Variants in IFT74 observed in about 807,000 individuals in gnomAD.
IFT74 encodes the protein intraflagellar transport 74.
Under a neutral mutation model 96.7 loss-of-function variants are expected in IFT74, and 92 were observed. The ratio of observed to expected loss-of-function variants is 0.95; its 90% CI spans 0.80 to 1.13. The LOEUF is 1.13. IFT74 is among the 50% of genes most tolerant of loss of function. IFT74 has a pLI of 0.00. For synonymous variants in IFT74, 223 were observed against 213.2 expected, an observed-to-expected ratio of 1.05 and a Z score of -0.40; for missense variants, 811 against 698.2, an observed-to-expected ratio of 1.16 and a Z score of -1.82.
At chr9:27,028,485 C>G (rs1477867842) in intron 12 of IFT74, among the ~76,000 whole-genome samples, 1 of 152,164 alleles carries the variant, frequency 6.6e-6, no homozygotes, top group Admixed American at 6.5e-5. Context: ...ATGCTTGGCG[C>G]AGTGGCTCGC....
intron 8 of IFT74, among the ~76,000 whole-genome samples, chr9:27,005,360 C>T (rs1171175422): frequency 2.9e-5 from 1 of 34,554 alleles, no homozygotes; most frequent in Non-Finnish European, 5.7e-5. Context: ...TTTCCCCCCC[C>T]GCCCCCCGCA....
Position 26,988,247 on chromosome 9 carries a change from C to T in IFT74, c.466-422C>T, listed in dbSNP as rs73436032. Among the ~76,000 whole-genome samples, 876 of 152,214 alleles carry T rather than the reference C, an allele frequency of 5.8e-3. 10 individuals carry two copies. Among genetic ancestry groups the T allele is most frequent in the African/African-American group, 0.02 (818 of 41,550 alleles). ...GATTACAGGCCTGAGCCACCGAGCC[C>T]GGCTTACTAGTGTAAATTTGTAAAT... On this transcript the variant is annotated intron_variant, in intron 6 of 19. Transcript: ENST00000380062.
intron 1 of IFT74, among the ~76,000 whole-genome samples, chr9:26,959,464 TTAGA>T (rs1387041768): frequency 1.3e-5 from 2 of 152,028 alleles, no homozygotes; most frequent in African/African-American, 4.8e-5. Context: ...TATGGGACAG[TTAGA>T]TAGAGGTGGT....
intron 4 of IFT74, chr9:26,983,739 C>T (rs970805616): frequency 7.4e-5 from 11 of 148,994 alleles, no homozygotes; most frequent in African/African-American, 2.7e-4. Flanking sequence ...CTCAGTTTCT[C>T]ATCAGTTGAG....
At chr9:27,058,438 T>A (rs1820271320) in intron 18 of IFT74, among the ~76,000 whole-genome samples, 1 of 151,748 alleles carries the variant, frequency 6.6e-6, no homozygotes, top group African/African-American at 2.4e-5. Flanking sequence ...CAGGCTGGAG[T>A]GCAGTGGTGT....
chr9:26,953,694 A>AGGGG (rs562636268), upstream of IFT74, among the ~76,000 whole-genome samples: 4 of 149,116 alleles, frequency 2.7e-5, no homozygotes, highest in African/African-American at 9.9e-5. Context: ...CATTTTTTGT[A>AGGGG]GGGGGGGGGT....
At chr9:26,990,774 G>T (rs559712369) in intron 8 of IFT74, among the ~76,000 whole-genome samples, 18 of 152,288 alleles carry the variant, frequency 1.2e-4, no homozygotes, top group African/African-American at 4.1e-4. Context: ...TGTTTTGTCA[G>T]TTGTTTGGGA....
rs528469393 is a variant in IFT74 at position 27,063,057 on chromosome 9, T to G, written c.*321T>G. The stretch of plus-strand genomic sequence containing the variant: ...GGCAACAAATGAGATAAGCTTTTCT[T>G]GTATCAACTCTAGGACGGATGCATG... On this transcript the variant is annotated 3_prime_UTR_variant, in exon 20 of 20. Transcript: ENST00000380062. 8.6e-6 allele frequency: 2 copies of G among 231,706 alleles called. No homozygotes were observed. The highest frequency in any genetic ancestry group is 6.0e-5 in the Admixed American group (1 of 16,536). 14.4% of individuals were successfully genotyped at this position (231,706 alleles called of 1,614,324 possible). A position where few individuals can be genotyped will look rare whatever the true frequency, so the allele number is the denominator to read the frequency against.
In IFT74 at chr9:27,023,248, G is replaced by A. The variant is rs1011410502; in HGVS notation, c.974+4561G>A. 3.3e-5 allele frequency among the ~76,000 whole-genome samples: 5 copies of A among 152,064 alleles called. No homozygotes were observed. In the East Asian group the frequency reaches 5.8e-4, roughly 18 times the overall value. On this transcript the variant is annotated intron_variant, in intron 12 of 19. Transcript: ENST00000380062. ...CCTTGTCTTGTTCCAGTTCTTAGGGGGAATGCTTTCAACTTTCCCCTGTTC... is the reference window on the plus strand; with the variant it reads ...CCTTGTCTTGTTCCAGTTCTTAGGGAGAATGCTTTCAACTTTCCCCTGTTC...
At position 27,062,723 on chromosome 9, in the gene IFT74, C is replaced by T. The variant is rs3429; in HGVS notation, c.1790C>T (p.Thr597Ile). ...NKTIVDALHS[T>I]SGN ...ACCATCGTGGATGCTTTACATAGCA[C>T]CAGCGGAAACTGAGTTTAAGTCCAC... Residue 597 changes from threonine to isoleucine, a missense_variant, in exon 20 of 20, where the codon ACC becomes ATC. By Grantham distance (89) the Thr-to-Ile change is moderately conservative. Transcript: ENST00000380062. The T allele has an allele frequency of 0.12, 188,015 of 1,571,014 alleles. 13,378 individuals are homozygous for T. The highest frequency in any genetic ancestry group is 0.27 in the Middle Eastern group (1,631 of 5,974).
intron 16 of IFT74, among the ~76,000 whole-genome samples, chr9:27,051,711 C>T (rs552143436): frequency 1.3e-5 from 2 of 152,138 alleles, no homozygotes; most frequent in Non-Finnish European, 2.9e-5. Context: ...GTTCACTTAG[C>T]GTAATGTCCT....
In IFT74 at chr9:27,064,790, C is replaced by T. The variant is rs1011913482; in HGVS notation, c.*2054C>T. ...CTTAAGTGTTCTTGACATTTTACTG[C>T]ACCCTTTTAAATAACCAACTTAGTA... On this transcript the variant is annotated 3_prime_UTR_variant, in exon 20 of 20. Coordinates refer to ENST00000380062, the MANE Select transcript of IFT74 (RefSeq NM_025103.4). 6.7e-6 allele frequency among the ~76,000 whole-genome samples: 1 copy of T among 149,064 alleles called. No homozygotes were observed. The highest frequency in any genetic ancestry group is 1.5e-5 in the Non-Finnish European group (1 of 66,558).
intron 8 of IFT74, chr9:26,995,929 C>T (rs41272239): frequency 0.056 from 54,262 of 965,084 alleles, 1,844 homozygotes; most frequent in Middle Eastern, 0.13. Flanking sequence ...TATCCTAATT[C>T]TCCTCAATAT....
At chr9:27,055,224 C>G (rs1676993798) in intron 16 of IFT74, among the ~76,000 whole-genome samples, 1 of 151,580 alleles carries the variant, frequency 6.6e-6, no homozygotes, top group African/African-American at 2.4e-5. Context: ...AAATTGTGCT[C>G]AAATATATAT....
chr9:26,991,810 C>T (rs1827891068), intron 8 of IFT74, among the ~76,000 whole-genome samples: 1 of 152,096 alleles, frequency 6.6e-6, no homozygotes, highest in Non-Finnish European at 1.5e-5. Flanking sequence ...GCGGGTGGAT[C>T]ATGAGGTCAG....
intron 19 of IFT74, 51 bp from the exon 20 acceptor site, chr9:27,062,567 C>A: frequency 1.0e-6 from 1 of 981,968 alleles, no homozygotes; most frequent in Non-Finnish European, 1.6e-6. Context: ...CTTTCTCAGG[C>A]ACAATTAGAT....
intron 12 of IFT74, among the ~76,000 whole-genome samples, chr9:27,020,112 A>G (rs1461162032): frequency 1.3e-5 from 2 of 152,014 alleles, no homozygotes; most frequent in Non-Finnish European, 2.9e-5. Flanking sequence ...AGTAGCTGGG[A>G]CTACAGGCAC....
Position 26,947,118 on chromosome 9 carries a change from C to G in IFT74, c.-48C>G, listed in dbSNP as rs568235827. 16 of 1,399,518 alleles carry G rather than the reference C, an allele frequency of 1.1e-5. No individual in the cohort carries two copies. In the East Asian group the frequency reaches 4.4e-4, roughly 39 times the overall value. The allele number at this position is 1,399,518 out of a possible 1,614,324, so 86.7% of individuals were successfully genotyped here. On this transcript the variant is annotated 5_prime_UTR_variant, in exon 1 of 20. Transcript: ENST00000433700. ...GTCCGCAGGGGCGACTCGGAGAGCGCCGGGCCGCGGCGGGAGAAGAGCCTG... is the reference window on the plus strand; with the variant it reads ...GTCCGCAGGGGCGACTCGGAGAGCGGCGGGCCGCGGCGGGAGAAGAGCCTG...
rs1232451396 is a variant in IFT74, at chr9:26,980,601, A to T, written c.287A>T (p.Tyr96Phe). The change falls in exon 4 of 20, where the codon TAC (tyrosine) becomes TTC (phenylalanine). Residue 96 changes from tyrosine (Y) to phenylalanine (F), a missense_variant. Tyr to Phe is a conservative substitution (Grantham distance 22). Coordinates refer to ENST00000380062, the MANE Select transcript of IFT74 (RefSeq NM_025103.4). ...GPQRQILDKS[Y>F]YLGLLRSKIS... ...CAGAGGCAAATTTTAGACAAATCTTACTATCTTGGGCTTCTTAGGTATGTT... is the reference window on the plus strand; with the variant it reads ...CAGAGGCAAATTTTAGACAAATCTTTCTATCTTGGGCTTCTTAGGTATGTT... 6.2e-7 allele frequency: 1 copy of T among 1,604,846 alleles called. No individual in the cohort carries two copies. Among genetic ancestry groups the T allele is most frequent in the African/African-American group, 1.3e-5 (1 of 74,664 alleles).
Sources: allele counts gnomAD v4.1 joint callset (sites outside exome capture counted in the v4.1 genomes callset), GRCh38; gene constraint gnomAD v4.1.1; transcripts MANE v1.5; gene names NCBI Gene and HGNC (gene_info 2026-07-23, HGNC 2026-07-21).